Variants in SLC35F4 observed in about 807,000 individuals in gnomAD.
The protein encoded by SLC35F4 is chromosome 14 open reading frame 36.
SLC35F4 carries 24 observed loss-of-function variants against 44.2 expected under a neutral mutation model. The observed-to-expected ratio is 0.54, with a 90% CI of 0.39 to 0.76. The LOEUF is 0.76. SLC35F4 is among the 30% of genes least tolerant of loss of function. The pLI is 0.00. For synonymous variants in SLC35F4, 238 were observed against 223.6 expected (o/e 1.06, Z -0.57); for missense variants, 562 against 586.1 (o/e 0.96, Z 0.42).
At chr14:57,853,692 A>T (rs533051998) in intron 1 of SLC35F4, among the ~76,000 whole-genome samples, 2 of 152,328 alleles carry the variant, frequency 1.3e-5, no homozygotes, top group East Asian at 3.9e-4. Context: ...GCTATTTTCG[A>T]CCATTTGGAC....
At chr14:57,661,185 G>A (rs932799888) in intron 1 of SLC35F4, among the ~76,000 whole-genome samples, 4 of 152,098 alleles carry the variant, frequency 2.6e-5, no homozygotes, top group East Asian at 1.9e-4. Flanking sequence ...CCATGGTAAC[G>A]CAATCAGTGT....
intron 1 of SLC35F4, among the ~76,000 whole-genome samples, chr14:57,761,823 G>A (rs2077132409): frequency 6.6e-6 from 1 of 152,072 alleles, no homozygotes; most frequent in Admixed American, 6.6e-5. Flanking sequence ...GAATGACCCT[G>A]GCAAGAGGGA....
At chr14:57,598,106 C>A (rs2070602261) in intron 1 of SLC35F4, among the ~76,000 whole-genome samples, 1 of 152,152 alleles carries the variant, frequency 6.6e-6, no homozygotes, top group Non-Finnish European at 1.5e-5. Context: ...TCAGGAACAC[C>A]TGGAACCAGG....
intron 1 of SLC35F4, among the ~76,000 whole-genome samples, chr14:57,767,364 T>G (rs77956324): frequency 0.011 from 1,736 of 152,248 alleles, 30 homozygotes; most frequent in African/African-American, 0.04. Context: ...ATCATACAAT[T>G]TTTTCTGATC....
intron 1 of SLC35F4, among the ~76,000 whole-genome samples, chr14:57,892,379 C>T (rs1888788058): frequency 6.6e-6 from 1 of 152,188 alleles, no homozygotes; most frequent in South Asian, 2.1e-4. Context: ...CACATTGTCT[C>T]CCAAAAGACT....
At chr14:57,824,041 T>C (rs1883459684) in intron 1 of SLC35F4, among the ~76,000 whole-genome samples, 1 of 152,162 alleles carries the variant, frequency 6.6e-6, no homozygotes, top group Non-Finnish European at 1.5e-5. Flanking sequence ...TATTCTAACA[T>C]CTGGCAATAA....
chr14:57,688,994 C>T (rs969850060), intron 1 of SLC35F4, among the ~76,000 whole-genome samples: 3 of 152,016 alleles, frequency 2.0e-5, no homozygotes, highest in African/African-American at 7.2e-5. Flanking sequence ...TTACTGTGTA[C>T]CTATTATTTG....
chr14:57,748,374 T>A (rs1260783840), intron 1 of SLC35F4, among the ~76,000 whole-genome samples: 1 of 152,146 alleles, frequency 6.6e-6, no homozygotes, highest in Non-Finnish European at 1.5e-5. Context: ...AGTCAAGATA[T>A]AGAACAGTTT....
intron 1 of SLC35F4, among the ~76,000 whole-genome samples, chr14:57,775,738 G>A (rs1246319846): frequency 6.6e-6 from 1 of 152,230 alleles, no homozygotes; most frequent in Non-Finnish European, 1.5e-5. Flanking sequence ...CAAAAAGCCA[G>A]AGTGTCTTCT....
chr14:57,849,358 C>T (rs374589048), intron 1 of SLC35F4, among the ~76,000 whole-genome samples: 3 of 152,082 alleles, frequency 2.0e-5, no homozygotes, highest in African/African-American at 4.8e-5. Context: ...GATGGGGTTT[C>T]GCCATGTTGG....
intron 1 of SLC35F4, among the ~76,000 whole-genome samples, chr14:57,977,677 AC>A (rs1881258983): frequency 6.6e-6 from 1 of 152,140 alleles, no homozygotes; most frequent in Non-Finnish European, 1.5e-5. Context: ...ATGGCACTTA[AC>A]CTTTGTTTTA....
chr14:57,816,646 A>G (rs1036424314), intron 1 of SLC35F4, among the ~76,000 whole-genome samples: 5 of 152,384 alleles, frequency 3.3e-5, no homozygotes, highest in Non-Finnish European at 5.9e-5. Context: ...GCTGAGAAGC[A>G]GAGCTAAGAA....
chr14:57,585,827 G>A (rs550005788), intron 3 of SLC35F4, among the ~76,000 whole-genome samples: 3 of 152,290 alleles, frequency 2.0e-5, no homozygotes, highest in Admixed American at 1.3e-4. Flanking sequence ...AATAAGAGAG[G>A]ACACAAACGG....
At chr14:57,671,556 T>A (rs1163519973) in intron 1 of SLC35F4, among the ~76,000 whole-genome samples, 1 of 151,918 alleles carries the variant, frequency 6.6e-6, no homozygotes, top group African/African-American at 2.4e-5. Flanking sequence ...TGAAGAGCCC[T>A]TGGGCCCCAA....
At chr14:57,703,093 A>G (rs545698539) in intron 1 of SLC35F4, among the ~76,000 whole-genome samples, 2 of 152,304 alleles carry the variant, frequency 1.3e-5, no homozygotes, top group African/African-American at 4.8e-5. Flanking sequence ...ATAATAGGAA[A>G]CTAGAACTTT....
intron 2 of SLC35F4, among the ~76,000 whole-genome samples, chr14:57,593,142 C>G (rs183806552): frequency 6.6e-6 from 1 of 152,164 alleles, no homozygotes; most frequent in Non-Finnish European, 1.5e-5. Flanking sequence ...CATTTGTAAG[C>G]GTACAACTGT....
chr14:57,843,426 T>G (rs934193568), intron 1 of SLC35F4, among the ~76,000 whole-genome samples: 13 of 152,172 alleles, frequency 8.5e-5, no homozygotes, highest in African/African-American at 3.1e-4. Flanking sequence ...TTTGGGCTGG[T>G]GGAGGAAAGT....
At chr14:57,886,799 G>A (rs947744550) in intron 1 of SLC35F4, among the ~76,000 whole-genome samples, 2 of 152,106 alleles carry the variant, frequency 1.3e-5, no homozygotes, top group Non-Finnish European at 2.9e-5. Context: ...GAAAGGGAAA[G>A]GAGTTGTGTA....
At chr14:57,701,638 G>A (rs1311918009) in intron 1 of SLC35F4, among the ~76,000 whole-genome samples, 1 of 152,134 alleles carries the variant, frequency 6.6e-6, no homozygotes, top group Non-Finnish European at 1.5e-5. Flanking sequence ...AATTTCACGG[G>A]ACCACTGTTG....
Sources: gnomAD v4.1 joint callset for allele counts (sites outside exome capture counted in the v4.1 genomes callset) on GRCh38, gnomAD v4.1.1 for gene constraint, MANE v1.5 for transcripts, NCBI Gene and HGNC (gene_info 2026-07-23, HGNC 2026-07-21) for gene names.